LAMB4: variants seen among roughly 807,000 people sequenced by gnomAD.
LAMB4 encodes the protein laminin subunit beta-4.
In LAMB4, 196 loss-of-function variants were observed where a neutral mutation model predicts 199.2. The ratio of observed to expected loss-of-function variants is 0.98; its 90% CI spans 0.88 to 1.11. The LOEUF is 1.11. Among genes scored for constraint, LAMB4 ranks in the 50% least tolerant of loss-of-function variants. The probability of loss-of-function intolerance (pLI) is 0.00; values close to 1 mark genes in which losing one functional copy is unlikely to be tolerated. For missense variants in LAMB4, 2,080 were observed against 2,171.2 expected (o/e 0.96, Z 0.83); for synonymous variants, 744 against 770.6 (o/e 0.97, Z 0.57).
chr7:108,038,532 T>G (rs2528699), intron 29 of LAMB4, among the ~76,000 whole-genome samples: 51,836 of 152,130 alleles, frequency 0.34, 11,194 homozygotes, highest in African/African-American at 0.62. Flanking sequence ...AACTAAAGTG[T>G]AAGATGAACT....
chr7:108,042,630 CT>C (rs1465548719), intron 29 of LAMB4, among the ~76,000 whole-genome samples: 1 of 152,098 alleles, frequency 6.6e-6, no homozygotes, highest in Non-Finnish European at 1.5e-5. Flanking sequence ...TTTTTACTGA[CT>C]ATTTTTGTCA....
Position 108,076,994 on chromosome 7 carries a change from G to C in LAMB4, c.2074C>G (p.Gln692Glu), listed in dbSNP as rs912706399. 3 of 1,613,982 alleles carry C rather than the reference G, an allele frequency of 1.9e-6. No homozygotes were observed. Among genetic ancestry groups the C allele is most frequent in the Middle Eastern group, 1.6e-4 (1 of 6,062 alleles). The change falls in exon 17 of 34, where the codon CAG becomes GAG. Residue 692 changes from glutamine (Q) to glutamate (E), a missense_variant. By Grantham distance (29) the Gln-to-Glu change is conservative. Transcript: ENST00000388781. ...VQYSIDVYFS[Q>E]PLQGESHAHS... ...GCGTGGGACTCTCCTTGCAAAGGCT[G>C]AGAAAAATAGACATCTATGGAATAT...
At chr7:108,015,795 A>G in the LAMB4 span, among the ~76,000 whole-genome samples, 1 of 128,504 alleles carries the variant, frequency 7.8e-6, no homozygotes, top group Non-Finnish European at 1.6e-5. Context: ...AAACAATCCT[A>G]TTGAATGTGT....
At chr7:108,063,139 C>T in intron 22 of LAMB4, 145 bp from the exon 23 acceptor site, 1 of 504,902 alleles carries the variant, frequency 2.0e-6, no homozygotes, top group Non-Finnish European at 3.4e-6. Context: ...AAGAATTTAC[C>T]AAAGAATCTA....
rs2035693508 is a variant in LAMB4 at position 108,048,031 on chromosome 7, C to T, written c.4203G>A (p.Arg1401=). The T allele has an allele frequency of 1.2e-6, 2 of 1,614,228 alleles. No individual in the cohort carries two copies. Among genetic ancestry groups the T allele is most frequent in the East Asian group, 2.2e-5 (1 of 44,886 alleles). ...CGTGACAGCCGGGACCCCTACACTT[C>T]CTGTGCCCCTTCCGGCCCGTGCAGA... The part of the protein sequence containing the change: ...GALCTGRKGH[R]KCRGPGCHGS... Residue 1401 remains arginine (R), a synonymous_variant, in exon 28 of 34, where the codon AGG becomes AGA. Transcript: ENST00000388781.
intron 29 of LAMB4, among the ~76,000 whole-genome samples, chr7:108,040,590 G>A (rs564313303): frequency 2.0e-5 from 3 of 152,048 alleles, no homozygotes; most frequent in Non-Finnish European, 4.4e-5. Context: ...TGAAAAGAGA[G>A]TCCAGAAATA....
downstream of LAMB4, among the ~76,000 whole-genome samples, chr7:108,021,805 A>G (rs932626520): frequency 1.3e-5 from 2 of 152,122 alleles, no homozygotes; most frequent in Admixed American, 6.5e-5. Flanking sequence ...ATAGAAATTT[A>G]TAATTTTTTT....
intron 17 of LAMB4, among the ~76,000 whole-genome samples, chr7:108,072,792 G>A (rs746129591): frequency 3.9e-5 from 6 of 152,288 alleles, no homozygotes; most frequent in Admixed American, 1.3e-4. Flanking sequence ...AATATTTACA[G>A]GTCTACTACT....
chr7:108,017,871 C>T, the LAMB4 span, among the ~76,000 whole-genome samples: 2 of 152,142 alleles, frequency 1.3e-5, no homozygotes, highest in African/African-American at 4.8e-5. Flanking sequence ...AGCTCTGTAA[C>T]CCTAGGAGGG....
chr7:108,013,318 AT>A, the LAMB4 span, among the ~76,000 whole-genome samples: 1 of 152,174 alleles, frequency 6.6e-6, no homozygotes. Context: ...GGGAGAAATC[AT>A]TTACAGATAA....
intron 10 of LAMB4, among the ~76,000 whole-genome samples, chr7:108,102,392 G>T (rs1193342923): frequency 6.6e-6 from 1 of 152,114 alleles, no homozygotes; most frequent in Non-Finnish European, 1.5e-5. Flanking sequence ...ACATGTGAAA[G>T]AGTGAAAAAA....
At chr7:108,085,068 C>T (rs530357659) in intron 14 of LAMB4, among the ~76,000 whole-genome samples, 2 of 152,106 alleles carry the variant, frequency 1.3e-5, no homozygotes, top group South Asian at 4.2e-4. Context: ...TGTGACTTCC[C>T]TGCGTTAGCC....
chr7:108,085,836 A>G (rs1350473089), intron 14 of LAMB4, among the ~76,000 whole-genome samples: 4 of 152,040 alleles, frequency 2.6e-5, no homozygotes, highest in African/African-American at 9.7e-5. Flanking sequence ...GATGGTCTCG[A>G]TCTCCTGACC....
intron 30 of LAMB4, among the ~76,000 whole-genome samples, chr7:108,036,677 C>T (rs535422099): frequency 1.3e-5 from 2 of 151,974 alleles, no homozygotes; most frequent in Non-Finnish European, 2.9e-5. Context: ...GATCCTGTAA[C>T]CCTGACCCAC....
Position 108,068,088 on chromosome 7 carries a change from G to A in LAMB4, c.2374C>T (p.Pro792Ser). ...TCACAGCAGCGCCCGACCACAAGAG[G>A]TTTACACTGGCACTGGCCTCCAAGT... is the stretch of plus-strand genomic sequence containing the variant. ...SRLGGQCQCK[P>S]LVVGRCCDRC... is the part of the protein sequence containing the mutation. The change falls in exon 19 of 34, where the codon CCT (proline) becomes TCT (serine). Residue 792 changes from proline (P) to serine (S), a missense_variant. Transcript: ENST00000388781. The A allele has an allele frequency of 6.2e-7, 1 of 1,614,158 alleles. No individual in the cohort carries two copies. Among genetic ancestry groups the A allele is most frequent in the Non-Finnish European group, 8.5e-7 (1 of 1,180,022 alleles).
chr7:108,098,512 C>T lies in LAMB4; in HGVS notation c.1251G>A (p.Gly417=), dbSNP rs2037711082. Residue 417 remains glycine, a synonymous_variant, in exon 11 of 34, where the codon GGG becomes GGA. Transcript: ENST00000388781. The part of the protein sequence containing the change: ...ICVSHSDPAL[G]SVAGQCLCKE... ...TACAAAGGCACTGGCCGGCCACAGA[C>T]CCTAAGGCAGGATCAGAGTGGCTCA... 6.2e-7 allele frequency: 1 copy of T among 1,613,882 alleles called. No homozygotes were observed. Among genetic ancestry groups the T allele is most frequent in the Non-Finnish European group, 8.5e-7 (1 of 1,179,990 alleles).
chr7:108,105,894 A>G lies in LAMB4; in HGVS notation c.793T>C (p.Cys265Arg). ...TCGCTAGCATGGCCATTGCAAAAGCAGCTTCCCCGAACAATCATCTCGTAC... is the reference window on the plus strand; with the variant it reads ...TCGCTAGCATGGCCATTGCAAAAGCGGCTTCCCCGAACAATCATCTCGTAC... ...ALYEMIVRGS[C>R]FCNGHASECR... is the part of the protein sequence containing the mutation. The change falls in exon 8 of 34, where the codon TGC (cysteine) becomes CGC (arginine). Residue 265 changes from cysteine (C) to arginine (R), a missense_variant. Transcript: ENST00000388781. 6.2e-7 allele frequency: 1 copy of G among 1,614,252 alleles called. No homozygotes were observed.
rs765275365 is a variant in LAMB4 at position 108,111,906 on chromosome 7, T to C, written c.233A>G (p.Tyr78Cys). Residue 78 changes from tyrosine (Y) to cysteine (C), a missense_variant, in exon 4 of 34, where the codon TAT becomes TGT. By Grantham distance (194) the Tyr-to-Cys change is radical. Coordinates refer to ENST00000388781, the MANE Select transcript of LAMB4 (RefSeq NM_007356.3). Reference protein sequence around the residue: ...KCFICDSRFPYDPYDQPNSHT... With the variant: ...KCFICDSRFPCDPYDQPNSHT... ...GCTGTTGGGTTGGTCATACGGATCA[T>C]ATGGAAATCTAGAGTCACAGATGAA... 7.4e-6 allele frequency: 12 copies of C among 1,611,016 alleles called. No homozygotes were observed. Among genetic ancestry groups the C allele is most frequent in the Non-Finnish European group, 8.5e-6 (10 of 1,178,638 alleles).
chr7:108,122,769 C>T (rs1330649282), intron 2 of LAMB4, among the ~76,000 whole-genome samples: 2 of 152,138 alleles, frequency 1.3e-5, no homozygotes, highest in African/African-American at 4.8e-5. Context: ...GGGAATTTTG[C>T]CTGTAACTTC....
Sources: allele counts gnomAD v4.1 joint callset (sites outside exome capture counted in the v4.1 genomes callset), GRCh38; gene constraint gnomAD v4.1.1; transcripts MANE v1.5; gene names NCBI Gene and HGNC (gene_info 2026-07-23, HGNC 2026-07-21).